TAGAP: variants seen among roughly 807,000 people sequenced by gnomAD.
TAGAP encodes T cell activation RhoGTPase activating protein.
TAGAP carries 16 observed loss-of-function variants against 36.0 expected under a neutral mutation model. The observed-to-expected ratio is 0.44, with a 90% CI of 0.30 to 0.68. The LOEUF (loss-of-function observed/expected upper bound fraction) is 0.68. Ranked by LOEUF, TAGAP falls within the 30% of genes least tolerant of loss-of-function variation. TAGAP has a pLI of 0.09. For missense variants in TAGAP, 794 were observed against 921.5 expected, an observed-to-expected ratio of 0.86 and a Z score of 1.79; for synonymous variants, 372 against 377.4, an observed-to-expected ratio of 0.99 and a Z score of 0.17.
At chr6:159,042,441 T>C in intron 4 of TAGAP, 197 bp from the exon 5 acceptor site, 1 of 1,272,584 alleles carries the variant, frequency 7.9e-7, no homozygotes, top group Non-Finnish European at 1.0e-6. Flanking sequence ...ACAACCACAC[T>C]GTTACCAGGG....
intron 3 of TAGAP, 49 bp from the exon 4 acceptor site, chr6:159,043,704 C>T (rs751614786): frequency 9.7e-6 from 15 of 1,554,232 alleles, no homozygotes; most frequent in Non-Finnish European, 1.3e-5. Context: ...AGAAACCTAT[C>T]GAGTCTTTCC....
At chr6:159,039,677 T>G (rs1779677775) in intron 7 of TAGAP, among the ~76,000 whole-genome samples, 1 of 152,232 alleles carries the variant, frequency 6.6e-6, no homozygotes, top group Non-Finnish European at 1.5e-5. Flanking sequence ...TCTTTCTGTT[T>G]CTAACACGAC....
intron 7 of TAGAP, among the ~76,000 whole-genome samples, chr6:159,040,372 G>T (rs759233869): frequency 5.7e-4 from 87 of 152,166 alleles, no homozygotes; most frequent in Admixed American, 1.9e-3. Flanking sequence ...AGATAATCCC[G>T]AATTTCTACA....
At position 159,039,273 on chromosome 6, in the gene TAGAP, T is replaced by C; in HGVS notation, c.624A>G (p.Leu208=). The C allele has an allele frequency of 1.2e-6, 2 of 1,613,674 alleles. No individual in the cohort carries two copies. The highest frequency in any genetic ancestry group is 1.7e-6 in the Non-Finnish European group (2 of 1,179,926). The stretch of plus-strand genomic sequence containing the variant: ...GCAGCACATAGACCAAGTGCTTGAG[T>C]AGCAGGAGGTTGGGCCGGGGGAGCT... ...ADKLPRPNLL[L]LKHLVYVLHL... is the part of the protein sequence containing the mutation. Residue 208 remains leucine, a synonymous_variant, in exon 8 of 10, where the codon CTA becomes CTG. Transcript: ENST00000367066.
At chr6:159,043,717 A>T in intron 3 of TAGAP, 62 bp from the exon 4 acceptor site, 1 of 1,454,024 alleles carries the variant, frequency 6.9e-7, no homozygotes, top group Non-Finnish European at 9.7e-7. Context: ...GTCTTTCCCC[A>T]CAAAACACAC....
At position 159,036,483 on chromosome 6, in the gene TAGAP, C is replaced by G; in HGVS notation, c.1540G>C (p.Ala514Pro). The change falls in exon 10 of 10, where the codon GCC becomes CCC. Residue 514 changes from alanine to proline, a missense_variant. Physicochemically the swap from Ala to Pro is conservative, Grantham distance 27. Transcript: ENST00000367066. The surrounding 1 kb of genome is among the most constrained non-coding windows in gnomAD (Gnocchi z 4.9). ...TTGGTCAGCACTTTTTTGTGAGGGG[C>G]AAAGGTGAAAGACATGGAGTGCTTT... is the stretch of plus-strand genomic sequence containing the variant. ...IKKHSMSFTF[A>P]PHKKVLTKNL... 1.9e-6 allele frequency: 3 copies of G among 1,614,034 alleles called. No individual in the cohort carries two copies. The East Asian group carries it at 6.7e-5, about 36-fold the overall frequency.
At position 159,036,933 on chromosome 6, in the gene TAGAP, T is replaced by C. The variant is rs1324520277; in HGVS notation, c.1090A>G (p.Arg364Gly). 2.8e-5 allele frequency: 45 copies of C among 1,613,570 alleles called. No individual in the cohort carries two copies. The highest frequency in any genetic ancestry group is 3.6e-5 in the Non-Finnish European group (43 of 1,179,652). The change falls in exon 10 of 10, where the codon AGG becomes GGG. Residue 364 changes from arginine (R) to glycine (G), a missense_variant. Transcript: ENST00000367066. The surrounding 1 kb of genome is among the most constrained non-coding windows in gnomAD (Gnocchi z 4.9). ...GGCTGTGCGAGGGAGCTTTTCAGCCTGGCCACGGTGCTCACAATGGGCTCT... is the reference window on the plus strand; with the variant it reads ...GGCTGTGCGAGGGAGCTTTTCAGCCCGGCCACGGTGCTCACAATGGGCTCT... Reference protein sequence around the residue: ...SPEPIVSTVARLKSSLAQPDR... With the variant: ...SPEPIVSTVAGLKSSLAQPDR...
Position 159,043,687 on chromosome 6 carries a change from T to G in TAGAP, c.82-32A>C, listed in dbSNP as rs540472473. The G allele has an allele frequency of 2.4e-5, 38 of 1,597,428 alleles. No homozygotes were observed. In the East Asian group the frequency reaches 8.0e-4, roughly 34 times the overall value. ...ACATTTTTATTTCAGTTAAATATAG[T>G]GACTGAAGAAACCTATCGAGTCTTT... On this transcript the variant is annotated intron_variant, in intron 3 of 9. Coordinates refer to ENST00000367066, the MANE Select transcript of TAGAP (RefSeq NM_054114.5).
chr6:159,043,419 C>A (rs994495594), intron 4 of TAGAP, among the ~76,000 whole-genome samples, 170 bp downstream of exon 4: 10 of 152,346 alleles, frequency 6.6e-5, no homozygotes, highest in Admixed American at 1.3e-4. Context: ...GCACTCCCTG[C>A]TCTAGTGAGT....
At chr6:159,040,882 A>T in intron 6 of TAGAP, 50 bp from the exon 7 acceptor site, 1 of 1,444,696 alleles carries the variant, frequency 6.9e-7, no homozygotes, top group Non-Finnish European at 9.7e-7. Context: ...ATGATGTCCC[A>T]TGTCCTTGTT....
rs1779615651 is a variant in TAGAP, at chr6:159,038,228, C to T, written c.784G>A (p.Val262Met). 1 of 1,533,376 alleles carries T rather than the reference C, an allele frequency of 6.5e-7. No individual in the cohort carries two copies. The highest frequency in any genetic ancestry group is 9.0e-7 in the Non-Finnish European group (1 of 1,112,488). 95.0% of individuals were successfully genotyped at this position (1,533,376 alleles called of 1,614,324 possible). A position where few individuals can be genotyped will look rare whatever the true frequency, so the allele number is the denominator to read the frequency against. Residue 262 changes from valine (V) to methionine (M), a missense_variant and splice_region_variant, in exon 9 of 10, where the codon GTG becomes ATG. Physicochemically the swap from Val to Met is conservative, Grantham distance 21. Coordinates refer to ENST00000367066, the MANE Select transcript of TAGAP (RefSeq NM_054114.5). ...ATGAGGAATTCCACCAGTGTCTTCACCTGTGAGGAAAAGTAAGCAATTTGT... is the reference window on the plus strand; with the variant it reads ...ATGAGGAATTCCACCAGTGTCTTCATCTGTGAGGAAAAGTAAGCAATTTGT... The part of the protein sequence containing the change: ...FEAQKDLNNK[V>M]KTLVEFLIDN...
chr6:159,038,974 G>T, intron 8 of TAGAP, 140 bp downstream of exon 8: 1 of 1,510,726 alleles, frequency 6.6e-7, no homozygotes, highest in East Asian at 2.4e-5. Context: ...GTGGAACTAT[G>T]ACAAAAGCAT....
intron 8 of TAGAP, 92 bp from the exon 9 acceptor site, chr6:159,038,320 A>G (rs1053305614): frequency 7.7e-6 from 5 of 651,582 alleles, no homozygotes; most frequent in Admixed American, 5.6e-5. Flanking sequence ...CACTGGAGTC[A>G]GGTGCCAAAA....
In TAGAP at chr6:159,037,005, C is replaced by A; in HGVS notation, c.1018G>T (p.Ala340Ser). 6.2e-7 allele frequency: 1 copy of A among 1,613,784 alleles called. No homozygotes were observed. The highest frequency in any genetic ancestry group is 8.5e-7 in the Non-Finnish European group (1 of 1,179,934). Residue 340 changes from alanine (A) to serine (S), a missense_variant, in exon 10 of 10, where the codon GCT (alanine) becomes TCT (serine). Transcript: ENST00000367066. The surrounding 1 kb of genome is among the most constrained non-coding windows in gnomAD (Gnocchi z 5.1). ...TGTGGGCCCGCGCTATCCAAGCCAG[C>A]AGCTGTGGCCATGGGCACCTGGGGC... ...RQPQVPMATAAGLDSAGPQDA... is the reference protein window; with the variant it reads ...RQPQVPMATASGLDSAGPQDA...
At chr6:159,040,101 C>T (rs141294624) in intron 7 of TAGAP, among the ~76,000 whole-genome samples, 329 of 152,280 alleles carry the variant, frequency 2.2e-3, no homozygotes, top group Admixed American at 3.5e-3. Flanking sequence ...ATGTGACAAC[C>T]ATGCTGACAT....
In TAGAP at chr6:159,035,846, G is replaced by C; in HGVS notation, c.2177C>G (p.Ala726Gly). Reference sequence around the variant, plus strand: ...TCCCTCCTAAATATACGATTCTTTGGCATATTGGAATTGGTCAGCCTCAAA... The same window carrying C: ...TCCCTCCTAAATATACGATTCTTTGCCATATTGGAATTGGTCAGCCTCAAA... ...PVFEADQFQYAKESYI is the reference protein window; with the variant it reads ...PVFEADQFQYGKESYI Residue 726 changes from alanine (A) to glycine (G), a missense_variant, in exon 10 of 10, where the codon GCC becomes GGC. Transcript: ENST00000367066. 1.2e-6 allele frequency: 2 copies of C among 1,601,520 alleles called. No homozygotes were observed. Among genetic ancestry groups the C allele is most frequent in the Non-Finnish European group, 1.7e-6 (2 of 1,169,740 alleles).
rs753864621 is a variant in TAGAP at position 159,039,097 on chromosome 6, C to T, written c.783+17G>A. Reference sequence around the variant, plus strand: ...AGATCATAAGTTGGGGATTTCTCATCAGTAAGCAGAACAAACCTTGTTGTT... The same window carrying T: ...AGATCATAAGTTGGGGATTTCTCATTAGTAAGCAGAACAAACCTTGTTGTT... On this transcript the variant is annotated intron_variant, in intron 8 of 9. Coordinates refer to ENST00000367066, the MANE Select transcript of TAGAP (RefSeq NM_054114.5). 6.2e-7 allele frequency: 1 copy of T among 1,614,156 alleles called. No homozygotes were observed. The highest frequency in any genetic ancestry group is 2.2e-5 in the East Asian group (1 of 44,890).
At chr6:159,043,551 G>T in intron 4 of TAGAP, 38 bp downstream of exon 4, 1 of 1,598,552 alleles carries the variant, frequency 6.3e-7, no homozygotes, top group Non-Finnish European at 8.6e-7. Flanking sequence ...CTGGTTGTTA[G>T]CACTTACATA....
chr6:159,042,879 G>T (rs1030087422), intron 4 of TAGAP: 1 of 152,542 alleles, frequency 6.6e-6, no homozygotes, highest in African/African-American at 2.4e-5. Flanking sequence ...CTTGAACCTA[G>T]ATCTGGCAAC....
Sources: allele counts gnomAD v4.1 joint callset (sites outside exome capture counted in the v4.1 genomes callset), GRCh38; gene constraint gnomAD v4.1.1; non-coding constraint Gnocchi (gnomAD v3.1); transcripts MANE v1.5; gene names NCBI Gene and HGNC (gene_info 2026-07-23, HGNC 2026-07-21).